Variants in SH3KBP1 observed in about 807,000 individuals in gnomAD.
SH3KBP1 encodes the protein SH3 domain-containing kinase-binding protein 1.
Under a neutral mutation model 50.1 loss-of-function variants are expected in SH3KBP1, and 8 were observed. That is an observed-to-expected ratio of 0.16 (90% CI 0.09 to 0.29). The LOEUF is 0.29. SH3KBP1 is among the 10% of genes least tolerant of loss of function. The pLI, the probability that SH3KBP1 is intolerant of heterozygous loss-of-function variation, is 1.00. For synonymous variants in SH3KBP1, 227 were observed against 218.6 expected (o/e 1.04, Z -0.34); for missense variants, 377 against 535.2 (o/e 0.70, Z 2.92).
intron 6 of SH3KBP1, among the ~76,000 whole-genome samples, chrX:19,651,350 G>A (rs1452688384): frequency 9.1e-6 from 1 of 110,111 alleles, no homozygotes; most frequent in African/African-American, 3.3e-5. Flanking sequence ...AAAATACAAC[G>A]CAAAATTCTA....
At chrX:19,589,883 G>T (rs1008083112) in intron 11 of SH3KBP1, among the ~76,000 whole-genome samples, 1 of 109,748 alleles carries the variant, frequency 9.1e-6, no homozygotes, top group East Asian at 2.9e-4. Context: ...GCTTTGGGAG[G>T]GCAAGGCGGA....
At chrX:19,782,140 C>A (rs906452869) in intron 2 of SH3KBP1, among the ~76,000 whole-genome samples, 14 of 111,012 alleles carry the variant, frequency 1.3e-4, no homozygotes, top group Non-Finnish European at 2.1e-4. Context: ...CCTGGGGGTC[C>A]CTAAATCCAA....
intron 2 of SH3KBP1, among the ~76,000 whole-genome samples, chrX:19,834,114 T>C (rs1308020499): frequency 8.9e-6 from 1 of 112,372 alleles, no homozygotes; most frequent in East Asian, 2.8e-4. Flanking sequence ...GCTAGCAGGA[T>C]CACCCTGAGA....
chrX:19,548,825 A>AAGAGAGAGAGAGAGAGAG (rs61301072), intron 14 of SH3KBP1, among the ~76,000 whole-genome samples: 29 of 102,476 alleles, frequency 2.8e-4, no homozygotes, highest in African/African-American at 1.0e-3. Context: ...TATGGAAATA[A>AAGAGAGAGAGAGAGAGAG]AGAGAGAGAG....
At chrX:19,838,122 T>C (rs1446307423) in intron 1 of SH3KBP1, among the ~76,000 whole-genome samples, 1 of 111,734 alleles carries the variant, frequency 8.9e-6, no homozygotes, top group African/African-American at 3.3e-5. Context: ...TACACTGAGA[T>C]AGGTTTTAAG....
intron 2 of SH3KBP1, among the ~76,000 whole-genome samples, chrX:19,802,295 T>A (rs1323793169): frequency 9.0e-6 from 1 of 110,936 alleles, no homozygotes; most frequent in Non-Finnish European, 1.9e-5. Flanking sequence ...CTCGAGAGGC[T>A]GAGGCACAAG....
chrX:19,775,211 A>G (rs6527945), intron 2 of SH3KBP1, among the ~76,000 whole-genome samples: 29,407 of 109,946 alleles, frequency 0.27, 4,803 homozygotes, highest in African/African-American at 0.62. Context: ...TGTAACATCC[A>G]CTCTGTTCCA....
intron 13 of SH3KBP1, among the ~76,000 whole-genome samples, chrX:19,558,470 T>G (rs971360864): frequency 2.7e-5 from 3 of 112,047 alleles, no homozygotes; most frequent in African/African-American, 9.7e-5. Context: ...CTTAAATATA[T>G]CCAATATATA....
chrX:19,579,934 G>A (rs1374045088), intron 12 of SH3KBP1, among the ~76,000 whole-genome samples: 2 of 111,757 alleles, frequency 1.8e-5, no homozygotes, highest in Non-Finnish European at 3.8e-5. Context: ...GGAGGTCACA[G>A]ATTTAGTAAG....
chrX:19,788,275 A>C (rs1390553652), intron 2 of SH3KBP1, among the ~76,000 whole-genome samples: 3 of 101,984 alleles, frequency 2.9e-5, no homozygotes, highest in East Asian at 5.8e-4. Flanking sequence ...TCTCCAAAAA[A>C]AAAAAAAAAA....
intron 6 of SH3KBP1, among the ~76,000 whole-genome samples, chrX:19,666,468 C>A (rs937344284): frequency 6.3e-5 from 7 of 110,864 alleles, no homozygotes; most frequent in African/African-American, 2.3e-4. Context: ...AACAGTGGGG[C>A]TGTGTTCTTC....
chrX:19,733,339 C>A (rs2064435020), intron 3 of SH3KBP1, among the ~76,000 whole-genome samples: 1 of 109,083 alleles, frequency 9.2e-6, no homozygotes, highest in South Asian at 3.8e-4. Context: ...TATTATAAAG[C>A]CATAATAGTT....
chrX:19,689,738 G>A (rs912620638), intron 5 of SH3KBP1, among the ~76,000 whole-genome samples: 1 of 112,142 alleles, frequency 8.9e-6, no homozygotes, highest in Non-Finnish European at 1.9e-5. Context: ...CACTATAAAA[G>A]GGAAGAGTTT....
intron 2 of SH3KBP1, among the ~76,000 whole-genome samples, chrX:19,775,800 A>C (rs1293098544): frequency 8.9e-6 from 1 of 111,975 alleles, no homozygotes; most frequent in Admixed American, 9.5e-5. Context: ...ATGGCCTTTC[A>C]GGAAAATTAC....
intron 7 of SH3KBP1, among the ~76,000 whole-genome samples, chrX:19,637,214 G>T (rs1251218793): frequency 8.9e-6 from 1 of 112,332 alleles, no homozygotes; most frequent in Non-Finnish European, 1.9e-5. Flanking sequence ...GTCACTCCAA[G>T]TGGGAAAAAT....
chrX:19,607,999 C>T lies in SH3KBP1; in HGVS notation c.944G>A (p.Arg315Gln). Residue 315 changes from arginine (R) to glutamine (Q), a missense_variant, in exon 9 of 18, where the codon CGA (arginine) becomes CAA (glutamine). Physicochemically the swap from Arg to Gln is conservative, Grantham distance 43. Transcript: ENST00000397821. ...CACGAAGTTATCGGGGAACACGCCT[C>T]GTCTGCCGTTCAGCTCTCCTTCCCA... Reference protein sequence around the residue: ...GWWEGELNGRRGVFPDNFVKL... With the variant: ...GWWEGELNGRQGVFPDNFVKL... The T allele has an allele frequency of 8.3e-7, 1 of 1,211,487 alleles. No individual in the cohort carries two copies. Among genetic ancestry groups the T allele is most frequent in the Non-Finnish European group, 1.1e-6 (1 of 895,307 alleles).
chrX:19,876,710 C>T (rs1171569060), intron 1 of SH3KBP1, among the ~76,000 whole-genome samples: 1 of 111,729 alleles, frequency 9.0e-6, no homozygotes, highest in Non-Finnish European at 1.9e-5. Context: ...TAGCAGCAGC[C>T]TATGGGGAGG....
Position 19,602,849 on chromosome X carries a change from G to A in SH3KBP1, c.1005+5089C>T, listed in dbSNP as rs774071830. ...AAGATGGAGGCTAAGTAAGGTGAGG[G>A]GCCTCCTACGAATTTGGTATAGGGA... On this transcript the variant is annotated intron_variant, in intron 9 of 17. Transcript: ENST00000397821. Among the ~76,000 whole-genome samples, 241 of 111,721 alleles carry A rather than the reference G, an allele frequency of 2.2e-3. 1 individual carries two copies. Among genetic ancestry groups the A allele is most frequent in the Non-Finnish European group, 3.8e-3 (200 of 53,152 alleles).
chrX:19,853,407 G>C (rs2068561840), intron 1 of SH3KBP1, among the ~76,000 whole-genome samples: 1 of 111,059 alleles, frequency 9.0e-6, no homozygotes, highest in Admixed American at 9.6e-5. Flanking sequence ...AGGCTTGGAG[G>C]GGGTGGTCAG....
Sources: allele counts gnomAD v4.1 joint callset (sites outside exome capture counted in the v4.1 genomes callset), GRCh38; gene constraint gnomAD v4.1.1; transcripts MANE v1.5; gene names NCBI Gene and HGNC (gene_info 2026-07-23, HGNC 2026-07-21).